Variants in TEX14 observed in about 807,000 individuals in gnomAD.
TEX14 encodes the protein inactive serine/threonine-protein kinase TEX14.
In TEX14, 168 loss-of-function variants were observed where a neutral mutation model predicts 178.6. The ratio of observed to expected loss-of-function variants is 0.94; its 90% CI spans 0.83 to 1.07. TEX14 has a LOEUF of 1.07. Among genes scored for constraint, TEX14 ranks in the 50% least tolerant of loss-of-function variants. TEX14 has a pLI of 0.00. For synonymous variants in TEX14, 626 were observed against 634.1 expected, an observed-to-expected ratio of 0.99 and a Z score of 0.19; for missense variants, 1,730 against 1,753.6, an observed-to-expected ratio of 0.99 and a Z score of 0.24.
At chr17:58,585,707 C>T (rs898523358) in intron 18 of TEX14, 94 bp downstream of exon 18, 6 of 1,331,816 alleles carry the variant, frequency 4.5e-6, no homozygotes, top group Non-Finnish European at 6.2e-6. Flanking sequence ...CCGCTCGCCT[C>T]ACCTCCCAAA....
At chr17:58,636,097 T>G (rs2046429060) in intron 2 of TEX14, among the ~76,000 whole-genome samples, 2 of 152,114 alleles carry the variant, frequency 1.3e-5, no homozygotes, top group South Asian at 4.1e-4. Flanking sequence ...GCAACAAATC[T>G]TGAGGGGATA....
chr17:58,575,200 C>T (rs1228552487), intron 21 of TEX14, among the ~76,000 whole-genome samples: 1 of 149,974 alleles, frequency 6.7e-6, no homozygotes, highest in Non-Finnish European at 1.5e-5. Context: ...CTGCAACCTT[C>T]GCCTCCTGGG....
chr17:58,582,566 CTTTTT>C (rs74540002), intron 19 of TEX14, among the ~76,000 whole-genome samples: 1 of 129,362 alleles, frequency 7.7e-6, no homozygotes, highest in South Asian at 2.6e-4. Context: ...CTGCAAATTT[CTTTTT>C]TTTTTTTTTT....
intron 10 of TEX14, among the ~76,000 whole-genome samples, chr17:58,610,940 T>C (rs984324444): frequency 4.6e-5 from 7 of 152,032 alleles, no homozygotes; most frequent in East Asian, 1.9e-4. Flanking sequence ...TTTATGCACA[T>C]TGGCTAATAC....
intron 9 of TEX14, among the ~76,000 whole-genome samples, chr17:58,612,061 C>T (rs1212294968): frequency 6.6e-6 from 1 of 152,182 alleles, no homozygotes; most frequent in Non-Finnish European, 1.5e-5. Context: ...CTCTCTAAAC[C>T]TACATCTCAG....
intron 1 of TEX14, among the ~76,000 whole-genome samples, chr17:58,674,778 C>G (rs895018462): frequency 7.2e-6 from 1 of 139,518 alleles, no homozygotes. Context: ...TATAGTATGT[C>G]AATTATCCTT....
At chr17:58,650,052 T>TTTGTTA (rs1442979802) in intron 2 of TEX14, among the ~76,000 whole-genome samples, 2 of 150,126 alleles carry the variant, frequency 1.3e-5, no homozygotes, top group Non-Finnish European at 3.0e-5. Context: ...GAGTTTTATT[T>TTTGTTA]TTGTTTTTGT....
intron 1 of TEX14, among the ~76,000 whole-genome samples, chr17:58,665,539 T>C (rs2047188582): frequency 6.6e-6 from 1 of 151,792 alleles, no homozygotes; most frequent in Non-Finnish European, 1.5e-5. Context: ...GAGGTTGCAG[T>C]GAGCCGAGAT....
chr17:58,573,892 T>C (rs572069511), intron 22 of TEX14, among the ~76,000 whole-genome samples: 1 of 152,340 alleles, frequency 6.6e-6, no homozygotes, highest in African/African-American at 2.4e-5. Context: ...TTTCCATAGA[T>C]GAAATATTCC....
At chr17:58,623,772 G>A (rs553359340) in intron 3 of TEX14, among the ~76,000 whole-genome samples, 1 of 143,974 alleles carries the variant, frequency 6.9e-6, no homozygotes, top group South Asian at 2.3e-4. Context: ...GAAGAAGGAG[G>A]AGGAGGAGAA....
At chr17:58,593,350 GC>G (rs142229388) in intron 15 of TEX14, among the ~76,000 whole-genome samples, 50 of 152,328 alleles carry the variant, frequency 3.3e-4, no homozygotes, top group Admixed American at 1.8e-3. Flanking sequence ...TAACCTGCCA[GC>G]CACTTGGGCT....
chr17:58,611,985 T>G (rs1447795381), intron 9 of TEX14, among the ~76,000 whole-genome samples: 2 of 152,166 alleles, frequency 1.3e-5, no homozygotes, highest in Non-Finnish European at 2.9e-5. Flanking sequence ...TCTTGGGGTC[T>G]CCTTACTTCT....
At chr17:58,646,941 T>C (rs1024265490) in intron 2 of TEX14, among the ~76,000 whole-genome samples, 3 of 151,034 alleles carry the variant, frequency 2.0e-5, no homozygotes, top group Non-Finnish European at 4.4e-5. Flanking sequence ...GTTTCGCTCT[T>C]GTTTCCCAGG....
chr17:58,563,654 TATATAGAGAGAG>T (rs1411838206), intron 28 of TEX14, among the ~76,000 whole-genome samples: 4 of 20,080 alleles, frequency 2.0e-4, no homozygotes, highest in Non-Finnish European at 7.7e-5. Flanking sequence ...TATATATATA[TATATAGAGAGAG>T]AGAGAGAGAG....
chr17:58,657,502 C>CTTTTTTT (rs35359604), intron 1 of TEX14, among the ~76,000 whole-genome samples: 8 of 51,370 alleles, frequency 1.6e-4, no homozygotes, highest in African/African-American at 3.3e-4. Flanking sequence ...ACGGGAAATG[C>CTTTTTTT]TTTTTTTTTT....
At chr17:58,566,303 A>G (rs1300379677) in intron 26 of TEX14, among the ~76,000 whole-genome samples, 1 of 152,246 alleles carries the variant, frequency 6.6e-6, no homozygotes, top group Non-Finnish European at 1.5e-5. Flanking sequence ...GCAGATGAGG[A>G]AATTTAGGTT....
At chr17:58,615,980 G>A (rs1433238727) in intron 7 of TEX14, among the ~76,000 whole-genome samples, 195 bp downstream of exon 7, 1 of 152,148 alleles carries the variant, frequency 6.6e-6, no homozygotes, top group Non-Finnish European at 1.5e-5. Context: ...ACAATGCACA[G>A]GACTACTCCC....
Position 58,611,354 on chromosome 17 carries a change from T to A in TEX14, c.1006-15A>T. The A allele has an allele frequency of 6.3e-7, 1 of 1,598,860 alleles. No individual in the cohort carries two copies. The highest frequency in any genetic ancestry group is 1.1e-5 in the South Asian group (1 of 89,524). On this transcript the variant is annotated splice_polypyrimidine_tract_variant and intron_variant, in intron 9 of 31. Transcript: ENST00000349033. ...AACTGGGACCGCTGCAAGCAAGAGA[T>A]GAAATGCCACGAAAAAAAAAAGGAC...
rs113101984 is a variant in TEX14 at position 58,587,660 on chromosome 17, A to C, written c.2709T>G (p.Ser903Arg). The change falls in exon 17 of 32, where the codon AGT (serine) becomes AGG (arginine). Residue 903 changes from serine (S) to arginine (R), a missense_variant. Ser to Arg is a moderately radical substitution (Grantham distance 110). Around this residue, in one of 2 missense-constraint regions of TEX14, gnomAD observed 941 missense variants for 1,072.4 expected, o/e 0.88. Coordinates refer to ENST00000349033, the MANE Select transcript of TEX14 (RefSeq NM_031272.5). ...PSCHWDSTRM[S>R]VEPVSSEIYN... is the part of the protein sequence containing the mutation. ...AGATTTCAGAAGAAACAGGTTCCAC[A>C]CTCATCCTGAATTGCACGGGTTTTT... 5 of 1,603,302 alleles carry C rather than the reference A, an allele frequency of 3.1e-6. No homozygotes were observed. The highest frequency in any genetic ancestry group is 2.7e-5 in the African/African-American group (2 of 74,378).
Sources: gnomAD v4.1 joint callset for allele counts (sites outside exome capture counted in the v4.1 genomes callset) on GRCh38, gnomAD v4.1.1 for gene constraint, gnomAD v4.1.1 regional missense constraint, MANE v1.5 for transcripts, NCBI Gene and HGNC (gene_info 2026-07-23, HGNC 2026-07-21) for gene names.